Variants in DNMT1 observed in about 807,000 individuals in gnomAD.
DNMT1 encodes DNA methyltransferase 1.
In DNMT1, 24 loss-of-function variants were observed where a neutral mutation model predicts 205.3. That is an observed-to-expected ratio of 0.12 (90% CI 0.08 to 0.16). The LOEUF (loss-of-function observed/expected upper bound fraction) is 0.16, where lower values mean the gene tolerates loss of function less well. Among genes scored for constraint, DNMT1 ranks in the 10% least tolerant of loss-of-function variants. The probability of loss-of-function intolerance (pLI) is 1.00; values close to 1 mark genes in which losing one functional copy is unlikely to be tolerated. For synonymous variants in DNMT1, 817 were observed against 839.8 expected (o/e 0.97, Z 0.47); for missense variants, 1,293 against 2,177.7 (o/e 0.59, Z 8.09).
rs1427871339 is a variant in DNMT1, at chr19:10,173,730, G to A, written c.683+141C>T. 3 of 842,822 alleles carry A rather than the reference G, an allele frequency of 3.6e-6. No individual in the cohort carries two copies. The African/African-American group carries it at 5.0e-5, about 14-fold the overall frequency. 52.2% of individuals were successfully genotyped at this position (842,822 alleles called of 1,614,324 possible). A position where few individuals can be genotyped will look rare whatever the true frequency, so the allele number is the denominator to read the frequency against. On this transcript the variant is annotated intron_variant, in intron 8 of 40. Transcript: ENST00000359526. The stretch of plus-strand genomic sequence containing the variant: ...TGGTCTTGAACTCCTGACCTCAAGT[G>A]ATTCGCCCATCTTGGCCTCCCAAAG...
At chr19:10,141,951 T>A (rs1017757827) in intron 30 of DNMT1, 77 bp downstream of exon 30, 2 of 1,550,360 alleles carry the variant, frequency 1.3e-6, no homozygotes, top group Admixed American at 1.8e-5. Flanking sequence ...CAAGCCGCCT[T>A]GTGTATAACC....
At chr19:10,172,405 CAA>C (rs34495234) in intron 9 of DNMT1, among the ~76,000 whole-genome samples, 29 of 76,334 alleles carry the variant, frequency 3.8e-4, no homozygotes, top group Admixed American at 4.3e-4. Context: ...GACTCCATCT[CAA>C]AAAAAAAAAA....
chr19:10,192,114 G>A (rs994722541), intron 1 of DNMT1, among the ~76,000 whole-genome samples: 35 of 151,880 alleles, frequency 2.3e-4, no homozygotes, highest in African/African-American at 7.5e-4. Context: ...GTGAGCCACC[G>A]CGCCCAGCCT....
In DNMT1 at chr19:10,154,348, T is replaced by A. The variant is rs1357755689; in HGVS notation, c.1964A>T (p.Asp655Val). 6.2e-7 allele frequency: 1 copy of A among 1,614,240 alleles called. No individual in the cohort carries two copies. The highest frequency in any genetic ancestry group is 2.2e-5 in the East Asian group (1 of 44,882). The change falls in exon 22 of 41, where the codon GAT becomes GTT. Residue 655 changes from aspartate (D) to valine (V), a missense_variant. Transcript: ENST00000359526. The surrounding 1 kb of genome is among the most constrained non-coding windows in gnomAD (Gnocchi z 6.3). ...DTFFAEQIEK[D>V]DREDKENAFK... is the part of the protein sequence containing the mutation. ...GGCGTTCTCCTTGTCTTCTCTGTCA[T>A]CCTTTTCAATTTGCTCTGCGAAGAA...
At chr19:10,144,192 A>G in intron 28 of DNMT1, 4 of 604,342 alleles carry the variant, frequency 6.6e-6, no homozygotes, top group Non-Finnish European at 1.2e-5. Flanking sequence ...GGTGGACCAC[A>G]AGGTCAGAAG....
intron 27 of DNMT1, among the ~76,000 whole-genome samples, chr19:10,148,293 G>A (rs896240890): frequency 6.6e-5 from 10 of 150,856 alleles, no homozygotes; most frequent in South Asian, 2.1e-4. Context: ...TCAGGAGATC[G>A]AGACCATCCT....
chr19:10,146,438 C>T lies in DNMT1; in HGVS notation c.2807G>A (p.Arg936Gln), dbSNP rs763321599. 1.2e-5 allele frequency: 20 copies of T among 1,613,970 alleles called. No homozygotes were observed. Among genetic ancestry groups the T allele is most frequent in the South Asian group, 2.2e-5 (2 of 91,072 alleles). ...CTTGGTGGCTGAGTAGTAGAGGACC[C>T]GGCTATCCAGGTCCTCGAGCTGCTC... The part of the protein sequence containing the change: ...VLEQLEDLDS[R>Q]VLYYSATKNG... Residue 936 changes from arginine (R) to glutamine (Q), a missense_variant, in exon 28 of 41, where the codon CGG becomes CAG. Transcript: ENST00000359526. The surrounding 1 kb of genome is among the most constrained non-coding windows in gnomAD (Gnocchi z 4.4).
chr19:10,144,915 A>T (rs2038165868), intron 28 of DNMT1, among the ~76,000 whole-genome samples: 1 of 152,096 alleles, frequency 6.6e-6, no homozygotes, highest in Non-Finnish European at 1.5e-5. Flanking sequence ...ACCCTGGCTA[A>T]TTTATTTTTA....
Position 10,183,094 on chromosome 19 carries a change from CACGTAT to C in DNMT1, c.81-1023_81-1018del, listed in dbSNP as rs1568257332. Among the ~76,000 whole-genome samples the C allele has an allele frequency of 4.6e-4, 62 of 133,542 alleles. 1 individual carries two copies. In the East Asian group the frequency reaches 4.8e-3, roughly 10 times the overall value. 87.6% of individuals were successfully genotyped at this position (133,542 alleles called of 152,430 possible). A position where few individuals can be genotyped will look rare whatever the true frequency, so the allele number is the denominator to read the frequency against. ...ACATATGTGTGTGTATATATATATA[CACGTAT>C]ATATACGTGTGTATATATATATATA... On this transcript the variant is annotated intron_variant, in intron 1 of 40. Transcript: ENST00000359526.
In DNMT1 at chr19:10,146,306, C is replaced by T; in HGVS notation, c.2894+45G>A. ...GGGACACCACAAAGCCAGCCTGGCT[C>T]AGCCTGGAGCGCCCTGGCCCCGGCT... On this transcript the variant is annotated intron_variant, in intron 28 of 40. Coordinates refer to ENST00000359526, the MANE Select transcript of DNMT1 (RefSeq NM_001130823.3). This position sits in a 1 kb window ranked among gnomAD's most constrained non-coding sequence, Gnocchi z 4.4. 1 of 1,608,352 alleles carries T rather than the reference C, an allele frequency of 6.2e-7. No homozygotes were observed. Among genetic ancestry groups the T allele is most frequent in the Non-Finnish European group, 8.5e-7 (1 of 1,177,624 alleles).
At position 10,142,508 on chromosome 19, in the gene DNMT1, A is replaced by G. The variant is rs35863536; in HGVS notation, c.3117-288T>C. On this transcript the variant is annotated intron_variant, in intron 29 of 40. Transcript: ENST00000359526. ...AAGATCCCCCAAGTTAGGGAATCGC[A>G]GGGTAAAGACCCCTCCCAGTAAGGG... 0.22 allele frequency among the ~76,000 whole-genome samples: 33,357 copies of G among 149,228 alleles called. 4,723 individuals carry two copies. The highest frequency in any genetic ancestry group is 0.32 in the Non-Finnish European group (21,611 of 67,258).
Position 10,137,177 on chromosome 19 carries a change from G to A in DNMT1, c.4397C>T (p.Thr1466Ile), listed in dbSNP as rs1415174324. 1.2e-6 allele frequency: 2 copies of A among 1,610,078 alleles called. No individual in the cohort carries two copies. Among genetic ancestry groups the A allele is most frequent in the South Asian group, 1.1e-5 (1 of 90,256 alleles). The change falls in exon 37 of 41, where the codon ACC (threonine) becomes ATC (isoleucine). Residue 1466 changes from threonine to isoleucine, a missense_variant. Thr to Ile is a moderately conservative substitution (Grantham distance 89). Around this residue, in one of 13 missense-constraint regions of DNMT1, gnomAD observed 148 missense variants for 256.1 expected, o/e 0.58. Coordinates refer to ENST00000359526, the MANE Select transcript of DNMT1 (RefSeq NM_001130823.3). The surrounding 1 kb of genome is among the most constrained non-coding windows in gnomAD (Gnocchi z 6.4). ...PNIEVRLSDG[T>I]MARKLRYTHH... is the part of the protein sequence containing the mutation. ...GGTATACCGCAGCTTCCTGGCCATGGTGCCGTCTGAGAGCCGCACCTCGAT... is the reference window on the plus strand; with the variant it reads ...GGTATACCGCAGCTTCCTGGCCATGATGCCGTCTGAGAGCCGCACCTCGAT...
intron 11 of DNMT1, among the ~76,000 whole-genome samples, chr19:10,165,035 G>A (rs1177619566): frequency 6.7e-6 from 1 of 149,658 alleles, no homozygotes; most frequent in South Asian, 2.2e-4. Flanking sequence ...ACTGAGATAG[G>A]TGGATAACTC....
chr19:10,145,524 T>C (rs1256876122), intron 28 of DNMT1, among the ~76,000 whole-genome samples: 2 of 152,208 alleles, frequency 1.3e-5, no homozygotes, highest in African/African-American at 4.8e-5. Context: ...AAACACAGAA[T>C]GGATCAGTGT....
chr19:10,176,783 G>A (rs1298991813), intron 6 of DNMT1, among the ~76,000 whole-genome samples: 1 of 152,040 alleles, frequency 6.6e-6, no homozygotes, highest in Admixed American at 6.6e-5. Flanking sequence ...ACTTGAACCC[G>A]GGAGGCAGAG....
Position 10,159,534 on chromosome 19 carries a change from G to T in DNMT1, c.1280+124C>A. ...CTCCACGGTGGCTCTTATCCACGAAGTGTTAGCTTAAGACATGTTGCAGGT... is the reference window on the plus strand; with the variant it reads ...CTCCACGGTGGCTCTTATCCACGAATTGTTAGCTTAAGACATGTTGCAGGT... On this transcript the variant is annotated intron_variant, in intron 17 of 40. Coordinates refer to ENST00000359526, the MANE Select transcript of DNMT1 (RefSeq NM_001130823.3). The surrounding 1 kb of genome is among the most constrained non-coding windows in gnomAD (Gnocchi z 5.0). 1 of 1,009,578 alleles carries T rather than the reference G, an allele frequency of 9.9e-7. No individual in the cohort carries two copies. The highest frequency in any genetic ancestry group is 1.5e-6 in the Non-Finnish European group (1 of 662,580). 62.5% of individuals were successfully genotyped at this position (1,009,578 alleles called of 1,614,324 possible). A position where few individuals can be genotyped will look rare whatever the true frequency, so the allele number is the denominator to read the frequency against.
intron 24 of DNMT1, among the ~76,000 whole-genome samples, chr19:10,150,543 T>C (rs1411940627): frequency 6.6e-6 from 1 of 152,204 alleles, no homozygotes; most frequent in Non-Finnish European, 1.5e-5. Flanking sequence ...CCCATGTCTG[T>C]CCTCCTGCAG....
chr19:10,175,110 CACACACACACACACACACAT>C (rs924345633), intron 7 of DNMT1, among the ~76,000 whole-genome samples: 1 of 136,936 alleles, frequency 7.3e-6, no homozygotes, highest in Non-Finnish European at 1.6e-5. Context: ...CACACACACA[CACACACACACACACACACAT>C]ATATATAACA....
At chr19:10,167,830 T>C (rs1489761329) in intron 10 of DNMT1, among the ~76,000 whole-genome samples, 1 of 152,056 alleles carries the variant, frequency 6.6e-6, no homozygotes, top group Non-Finnish European at 1.5e-5. Flanking sequence ...AGAAGGGCCC[T>C]GGGGTTGGGA....
Sources: allele counts gnomAD v4.1 joint callset (sites outside exome capture counted in the v4.1 genomes callset), GRCh38; gene constraint gnomAD v4.1.1; regional missense constraint gnomAD v4.1.1; non-coding constraint Gnocchi (gnomAD v3.1); transcripts MANE v1.5; gene names NCBI Gene and HGNC (gene_info 2026-07-23, HGNC 2026-07-21).